Variants in STK3 observed in about 807,000 individuals in gnomAD.
STK3 encodes the protein serine/threonine kinase 3, also known as serine/threonine-protein kinase 3.
Under a neutral mutation model 58.0 loss-of-function variants are expected in STK3, and 41 were observed. That is an observed-to-expected ratio of 0.71 (90% CI 0.55 to 0.92). The LOEUF (loss-of-function observed/expected upper bound fraction) is 0.92. Among genes scored for constraint, STK3 ranks in the 40% least tolerant of loss-of-function variants. STK3 has a pLI of 0.00. For synonymous variants in STK3, 170 were observed against 191.0 expected, an observed-to-expected ratio of 0.89 and a Z score of 0.91; for missense variants, 479 against 602.7, an observed-to-expected ratio of 0.79 and a Z score of 2.15.
intron 10 of STK3, among the ~76,000 whole-genome samples, chr8:98,511,958 T>C (rs1824549438): frequency 6.7e-6 from 1 of 148,640 alleles, no homozygotes; most frequent in Admixed American, 6.7e-5. Context: ...ACTTGCATAA[T>C]TTTTTTTTTA....
chr8:98,508,895 A>AAGATTT (rs1824287171), intron 10 of STK3, among the ~76,000 whole-genome samples: 1 of 152,176 alleles, frequency 6.6e-6, no homozygotes. Context: ...AATGACACAA[A>AAGATTT]AGATTTAGGA....
At chr8:98,651,074 C>G (rs572675937) in intron 6 of STK3, among the ~76,000 whole-genome samples, 4 of 152,362 alleles carry the variant, frequency 2.6e-5, no homozygotes, top group Admixed American at 2.6e-4. Context: ...CTGGAGCCGC[C>G]TAACTGGGAG....
At chr8:98,432,447 G>T (rs991200580) in intron 3 of STK3, 3 of 167,064 alleles carry the variant, frequency 1.8e-5, no homozygotes, top group African/African-American at 7.2e-5. Context: ...AATGCATATT[G>T]GTTATAGGTT....
chr8:98,818,813 C>T (rs1834712393), intron 1 of STK3, among the ~76,000 whole-genome samples: 1 of 151,918 alleles, frequency 6.6e-6, no homozygotes, highest in Non-Finnish European at 1.5e-5. Context: ...GGTATGTATG[C>T]AAACAATGAA....
chr8:98,470,897 C>A (rs1367128546), intron 10 of STK3, among the ~76,000 whole-genome samples: 2 of 152,154 alleles, frequency 1.3e-5, no homozygotes, highest in Non-Finnish European at 2.9e-5. Flanking sequence ...TTATATCCCA[C>A]TTAGAAATTA....
chr8:98,841,247 G>A (rs1835969579), intron 3 of STK3, among the ~76,000 whole-genome samples: 1 of 152,208 alleles, frequency 6.6e-6, no homozygotes, highest in Non-Finnish European at 1.5e-5. Context: ...GGATTACACA[G>A]AGCTTGAGTA....
At chr8:98,643,880 G>A (rs1810746542) in intron 6 of STK3, among the ~76,000 whole-genome samples, 1 of 152,110 alleles carries the variant, frequency 6.6e-6, no homozygotes, top group African/African-American at 2.4e-5. Context: ...GTGATGGCAT[G>A]CACCTGTAGT....
At chr8:98,793,469 T>C (rs980828748) in intron 1 of STK3, among the ~76,000 whole-genome samples, 2 of 151,766 alleles carry the variant, frequency 1.3e-5, no homozygotes, top group South Asian at 2.1e-4. Flanking sequence ...ATCTGGGAGG[T>C]TGGAGCCGAA....
chr8:98,501,750 T>C (rs996791442), intron 10 of STK3, among the ~76,000 whole-genome samples: 1 of 152,248 alleles, frequency 6.6e-6, no homozygotes, highest in Non-Finnish European at 1.5e-5. Flanking sequence ...CTCTGTTCTG[T>C]TCCATTGGTC....
intron 3 of STK3, among the ~76,000 whole-genome samples, chr8:98,872,499 T>C (rs1230838204): frequency 2.0e-5 from 3 of 152,214 alleles, no homozygotes; most frequent in South Asian, 4.1e-4. Flanking sequence ...GGCTATTAAT[T>C]ATTGCCTCAA....
chr8:98,802,759 A>C (rs1833638595), intron 1 of STK3, among the ~76,000 whole-genome samples: 1 of 152,248 alleles, frequency 6.6e-6, no homozygotes, highest in African/African-American at 2.4e-5. Flanking sequence ...TGAGATACCA[A>C]GTAGCCACTA....
At chr8:98,836,195 T>C (rs1835741156) in intron 3 of STK3, among the ~76,000 whole-genome samples, 1 of 151,728 alleles carries the variant, frequency 6.6e-6, no homozygotes, top group African/African-American at 2.4e-5. Context: ...AGTAAGACTC[T>C]GTCTCAACAG....
In STK3 at chr8:98,467,733, A is replaced by C. The variant is rs186159857; in HGVS notation, c.1318-11733T>G. On this transcript the variant is annotated intron_variant, in intron 10 of 10. Coordinates refer to ENST00000419617, the MANE Select transcript of STK3 (RefSeq NM_006281.4). The stretch of plus-strand genomic sequence containing the variant: ...TGTCTGATGATACATTTATTTCAAT[A>C]ATAAGGGGCTCATCCTTTTCTTAGA... 4.3e-3 allele frequency among the ~76,000 whole-genome samples: 658 copies of C among 152,242 alleles called. 1 individual carries two copies. The highest frequency in any genetic ancestry group is 6.8e-3 in the Middle Eastern group (2 of 294).
intron 10 of STK3, among the ~76,000 whole-genome samples, chr8:98,482,670 A>C (rs753574526): frequency 1.5e-4 from 23 of 151,986 alleles, no homozygotes; most frequent in Admixed American, 4.6e-4. Flanking sequence ...CACATATGTC[A>C]AACAGAGGGA....
intron 10 of STK3, among the ~76,000 whole-genome samples, chr8:98,495,566 C>T (rs577375298): frequency 1.3e-5 from 2 of 152,252 alleles, no homozygotes; most frequent in Non-Finnish European, 2.9e-5. Context: ...TAATTACATA[C>T]TTAATTCACC....
intron 1 of STK3, among the ~76,000 whole-genome samples, chr8:98,913,647 C>T (rs1839233350): frequency 6.6e-6 from 1 of 152,384 alleles, no homozygotes; most frequent in East Asian, 1.9e-4. Context: ...AGTGTACAAA[C>T]CTGTTGCACC....
upstream of STK3, among the ~76,000 whole-genome samples, chr8:98,390,043 T>A (rs1263092490): frequency 6.6e-6 from 1 of 152,134 alleles, no homozygotes; most frequent in Non-Finnish European, 1.5e-5. Flanking sequence ...TCAGGGCTGA[T>A]GTAAAATTGG....
the STK3 span, among the ~76,000 whole-genome samples, chr8:98,353,780 G>A: frequency 6.6e-6 from 1 of 152,152 alleles, no homozygotes; most frequent in Admixed American, 6.5e-5. Context: ...GGTAGATGTA[G>A]TAGATATAGG....
At chr8:98,623,052 T>G (rs1392658000) in intron 6 of STK3, among the ~76,000 whole-genome samples, 1 of 151,802 alleles carries the variant, frequency 6.6e-6, no homozygotes, top group Non-Finnish European at 1.5e-5. Flanking sequence ...TGAGTAATGC[T>G]CCAAAATACA....
Sources: allele counts gnomAD v4.1 joint callset (sites outside exome capture counted in the v4.1 genomes callset), GRCh38; gene constraint gnomAD v4.1.1; transcripts MANE v1.5; gene names NCBI Gene and HGNC (gene_info 2026-07-23, HGNC 2026-07-21).